The following JAZF1 variants were observed in gnomAD, a reference collection of about 807,000 sequenced individuals.
JAZF1 encodes the protein juxtaposed with another zinc finger protein 1.
JAZF1 carries 8 observed loss-of-function variants against 26.4 expected under a neutral mutation model. That is an observed-to-expected ratio of 0.30 (90% CI 0.18 to 0.55). The LOEUF (loss-of-function observed/expected upper bound fraction) is 0.55, where lower values mean the gene tolerates loss of function less well. Ranked by LOEUF, JAZF1 falls within the 20% of genes least tolerant of loss-of-function variation. The pLI is 0.94. For missense variants in JAZF1, 199 were observed against 322.0 expected, an observed-to-expected ratio of 0.62 and a Z score of 2.92; for synonymous variants, 126 against 122.3, an observed-to-expected ratio of 1.03 and a Z score of -0.20.
chr7:28,137,702 C>T (rs1782906712), intron 1 of JAZF1, among the ~76,000 whole-genome samples: 1 of 152,172 alleles, frequency 6.6e-6, no homozygotes, highest in Non-Finnish European at 1.5e-5. Context: ...ATAGTCACCA[C>T]AGGAATGGTG....
chr7:27,832,810 A>G lies in JAZF1; in HGVS notation c.722T>C (p.Met241Thr), dbSNP rs1188806947. The G allele has an allele frequency of 6.3e-7, 1 of 1,590,138 alleles. No individual in the cohort carries two copies. The highest frequency in any genetic ancestry group is 8.6e-7 in the Non-Finnish European group (1 of 1,166,178). Residue 241 changes from methionine to threonine, a missense_variant, in exon 5 of 5, where the codon ATG becomes ACG. Around this residue, in one of 2 missense-constraint regions of JAZF1, gnomAD observed 62 missense variants for 137.2 expected, o/e 0.45. Transcript: ENST00000283928. The part of the protein sequence containing the change: ...PPVSAEIIRK[M>T]QQ ...GTTATGACCAGCATGTTATTGCTGC[A>G]TCTTCCTGATAATCTCAGCCGACAC... is the stretch of plus-strand genomic sequence containing the variant.
At chr7:27,887,285 A>G (rs1488521378) in intron 3 of JAZF1, among the ~76,000 whole-genome samples, 1 of 152,206 alleles carries the variant, frequency 6.6e-6, no homozygotes, top group South Asian at 2.1e-4. Context: ...ATAAAAGTTA[A>G]TAATACTTGC....
At chr7:27,915,605 G>T (rs1784434609) in intron 2 of JAZF1, among the ~76,000 whole-genome samples, 1 of 152,182 alleles carries the variant, frequency 6.6e-6, no homozygotes, top group African/African-American at 2.4e-5. Flanking sequence ...AAGGTGAAGT[G>T]CAAAGTTTCA....
intron 3 of JAZF1, among the ~76,000 whole-genome samples, chr7:27,876,869 A>G (rs897486775): frequency 2.0e-5 from 3 of 152,130 alleles, no homozygotes; most frequent in African/African-American, 4.8e-5. Flanking sequence ...TTCCACAATG[A>G]GCGCTCTATA....
rs777392207 is a variant in JAZF1 at position 27,895,344 on chromosome 7, A to C, written c.261T>G (p.Thr87=). Residue 87 remains threonine, a synonymous_variant, in exon 3 of 5, where the codon ACT becomes ACG. Transcript: ENST00000283928. ...TCCCTCGAGACACTGAGCTGGACAG[A>C]GTCAGCGAGAGCTTCGGCTGAATCT... ...KKKIQPKLSL[T]LSSSVSRGNV... is the part of the protein sequence containing the mutation. The C allele has an allele frequency of 1.4e-5, 22 of 1,609,272 alleles. No individual in the cohort carries two copies. The highest frequency in any genetic ancestry group is 1.8e-5 in the Non-Finnish European group (21 of 1,178,118).
chr7:27,952,625 T>A (rs1785029279), intron 2 of JAZF1, among the ~76,000 whole-genome samples: 1 of 152,214 alleles, frequency 6.6e-6, no homozygotes, highest in Admixed American at 6.5e-5. Context: ...GTGGAGTTGT[T>A]CTCTGGGCTA....
At chr7:28,038,687 AT>A (rs2128376637) in intron 1 of JAZF1, among the ~76,000 whole-genome samples, 1 of 152,326 alleles carries the variant, frequency 6.6e-6, no homozygotes, top group African/African-American at 2.4e-5. Context: ...CAAATCCTTG[AT>A]TAACTGAAAG....
At position 27,864,795 on chromosome 7, in the gene JAZF1, G is replaced by A. The variant is rs74587100; in HGVS notation, c.386-23928C>T. ...CTCAGAGAGACACCTTTCCCCATCC[G>A]TTAACCAAGTCAGAAGTCCCACTAC... On this transcript the variant is annotated intron_variant, in intron 3 of 4. Transcript: ENST00000283928. 5.7e-3 allele frequency among the ~76,000 whole-genome samples: 870 copies of A among 152,254 alleles called. 6 individuals carry two copies. Among genetic ancestry groups the A allele is most frequent in the African/African-American group, 0.016 (685 of 41,538 alleles).
chr7:28,019,388 T>C (rs1017219590), intron 1 of JAZF1, among the ~76,000 whole-genome samples: 1 of 152,150 alleles, frequency 6.6e-6, no homozygotes, highest in Non-Finnish European at 1.5e-5. Flanking sequence ...ATTATGCCCC[T>C]TCTCATATTC....
chr7:28,112,820 T>C (rs146346353), intron 1 of JAZF1, among the ~76,000 whole-genome samples: 2 of 152,152 alleles, frequency 1.3e-5, no homozygotes, highest in Admixed American at 1.3e-4. Context: ...AAAGCAAACA[T>C]CATAAAAATT....
At chr7:28,148,230 C>A (rs1474226550) in intron 1 of JAZF1, among the ~76,000 whole-genome samples, 4 of 152,040 alleles carry the variant, frequency 2.6e-5, no homozygotes, top group African/African-American at 9.7e-5. Context: ...ACCACTACAC[C>A]CAGTTAATTT....
chr7:28,139,504 G>C (rs1464846904), intron 1 of JAZF1, among the ~76,000 whole-genome samples: 4 of 152,206 alleles, frequency 2.6e-5, no homozygotes, highest in Non-Finnish European at 5.9e-5. Context: ...CATACAAGGA[G>C]AACTTCCTAT....
chr7:28,151,796 A>C lies in JAZF1; in HGVS notation c.115+28667T>G, dbSNP rs562173244. The stretch of plus-strand genomic sequence containing the variant: ...AAAAGAGTGAAATTCCATCTCAAAA[A>C]AAAAACACAGAGGATAAAATCTTTT... On this transcript the variant is annotated intron_variant, in intron 1 of 4. Coordinates refer to ENST00000283928, the MANE Select transcript of JAZF1 (RefSeq NM_175061.4). Among the ~76,000 whole-genome samples, 190 of 152,268 alleles carry C rather than the reference A, an allele frequency of 1.2e-3. 2 individuals carry two copies. Among genetic ancestry groups the C allele is most frequent in the African/African-American group, 4.4e-3 (183 of 41,562 alleles).
chr7:27,889,378 T>G (rs938143309), intron 3 of JAZF1, among the ~76,000 whole-genome samples: 1 of 152,138 alleles, frequency 6.6e-6, no homozygotes, highest in Non-Finnish European at 1.5e-5. Flanking sequence ...TAATGATGGA[T>G]GCAAAAGCAA....
chr7:27,914,390 G>A (rs952026960), intron 2 of JAZF1, among the ~76,000 whole-genome samples: 3 of 152,158 alleles, frequency 2.0e-5, no homozygotes, highest in Admixed American at 6.5e-5. Flanking sequence ...TATGCACAGC[G>A]TGAGGCCCGA....
rs564196795 is a variant in JAZF1, at chr7:27,988,058, T to G, written c.188+3851A>C. On this transcript the variant is annotated intron_variant, in intron 2 of 4. Transcript: ENST00000283928. ...CAGGGACACAAACACTGTGGAAGGC[T>G]GCAGGGTCCTCTGCCTAGGAAAACC... Among the ~76,000 whole-genome samples the G allele has an allele frequency of 9.2e-5, 14 of 152,300 alleles. No homozygotes were observed. In the East Asian group the frequency reaches 2.5e-3, roughly 27 times the overall value.
rs1018447222 is a variant in JAZF1 at position 27,972,946 on chromosome 7, T to TAC, written c.188+18962_188+18963insGT. On this transcript the variant is annotated intron_variant, in intron 2 of 4. Transcript: ENST00000283928. ...ATGCATATATATGTATATGTGTGTG[T>TAC]ATATATACACACACACACACATACA... 9.3e-5 allele frequency among the ~76,000 whole-genome samples: 12 copies of TAC among 129,684 alleles called. No individual in the cohort carries two copies. In the Admixed American group the frequency reaches 9.6e-4, roughly 10 times the overall value. The allele number at this position is 129,684 out of a possible 152,430, so 85.1% of individuals were successfully genotyped here. A position where few individuals can be genotyped will look rare whatever the true frequency, so the allele number is the denominator to read the frequency against.
intron 1 of JAZF1, among the ~76,000 whole-genome samples, chr7:28,013,648 A>ACACATAGTAACGGGCTGCAGG (rs1782835752): frequency 6.6e-6 from 1 of 152,154 alleles, no homozygotes; most frequent in Non-Finnish European, 1.5e-5. Context: ...AGATTAGATG[A>ACACATAGTAACGGGCTGCAGG]CACATAGTAA....
At chr7:28,020,301 G>T (rs576371711) in intron 1 of JAZF1, among the ~76,000 whole-genome samples, 1 of 152,318 alleles carries the variant, frequency 6.6e-6, no homozygotes, top group Non-Finnish European at 1.5e-5. Context: ...AAGTAGGAGT[G>T]AGGAAAGTAT....
Sources: allele counts gnomAD v4.1 joint callset (sites outside exome capture counted in the v4.1 genomes callset), GRCh38; gene constraint gnomAD v4.1.1; regional missense constraint gnomAD v4.1.1; transcripts MANE v1.5; gene names NCBI Gene and HGNC (gene_info 2026-07-23, HGNC 2026-07-21).